Variants in ANKRD11 observed in about 807,000 individuals in gnomAD.
The protein encoded by ANKRD11 is ankyrin repeat domain-containing protein 11.
A neutral mutation model predicts 195.7 loss-of-function variants in ANKRD11; 17 were observed. The observed-to-expected ratio is 0.09, with a 90% CI of 0.06 to 0.13. The LOEUF is 0.13. Among genes scored for constraint, ANKRD11 ranks in the 10% least tolerant of loss-of-function variants. ANKRD11 has a pLI of 1.00. For synonymous variants in ANKRD11, 1,953 were observed against 1,528.1 expected (o/e 1.28, Z -6.49); for missense variants, 3,735 against 3,566.1 (o/e 1.05, Z -1.21).
intron 1 of ANKRD11, chr16:89,443,357 A>AAC (rs10601453): frequency 0.67 from 102,345 of 151,750 alleles, 35,068 homozygotes; most frequent in Middle Eastern, 0.87. Context: ...AAATTCGAAC[A>AAC]ACAGAGACGA....
intron 4 of ANKRD11, among the ~76,000 whole-genome samples, chr16:89,297,125 G>A (rs2035489161): frequency 6.6e-6 from 1 of 152,220 alleles, no homozygotes; most frequent in African/African-American, 2.4e-5. Flanking sequence ...GTGGAGGTGT[G>A]TGGCCTCAGC....
At chr16:89,407,660 A>AAC (rs2041960050) in intron 2 of ANKRD11, among the ~76,000 whole-genome samples, 3 of 151,126 alleles carry the variant, frequency 2.0e-5, no homozygotes, top group Non-Finnish European at 4.4e-5. Context: ...GTCTCTATCA[A>AAC]ACACACATAC....
chr16:89,395,981 G>GA (rs754564500), intron 2 of ANKRD11: 6 of 152,176 alleles, frequency 3.9e-5, no homozygotes, highest in Admixed American at 2.0e-4. Context: ...CTCTGGACAG[G>GA]AAGCACCAAT....
At chr16:89,381,630 C>T (rs1413409336) in intron 2 of ANKRD11, among the ~76,000 whole-genome samples, 2 of 152,158 alleles carry the variant, frequency 1.3e-5, no homozygotes, top group Non-Finnish European at 2.9e-5. Flanking sequence ...CTGTCAACAT[C>T]CCCCAACATG....
chr16:89,431,230 A>T (rs1023971310), intron 1 of ANKRD11: 4 of 152,426 alleles, frequency 2.6e-5, no homozygotes, highest in African/African-American at 9.7e-5. Context: ...GGTGCGTGCG[A>T]CTGGATGGAC....
intron 2 of ANKRD11, among the ~76,000 whole-genome samples, chr16:89,379,924 T>TTTTCCA (rs2040574104): frequency 1.3e-5 from 2 of 152,126 alleles, no homozygotes; most frequent in Admixed American, 1.3e-4. Flanking sequence ...ACCTTTTCAG[T>TTTTCCA]TTTCCAATCA....
intron 4 of ANKRD11, chr16:89,299,365 T>A: frequency 4.7e-6 from 1 of 213,906 alleles, no homozygotes. Context: ...GTGCCCTGTG[T>A]GGGGTGCCTG....
Position 89,316,915 on chromosome 16 carries a change from G to A in ANKRD11, c.87+18C>T, listed in dbSNP as rs774013525. The A allele has an allele frequency of 4.3e-6, 7 of 1,611,276 alleles. No homozygotes were observed. In the East Asian group the frequency reaches 1.6e-4, roughly 36 times the overall value. Reference sequence around the variant, plus strand: ...CTGGGTGCGGTGAGCATGCAGGGCTGGGAGGGGGCAGCATTACCTTTTTCC... The same window carrying A: ...CTGGGTGCGGTGAGCATGCAGGGCTAGGAGGGGGCAGCATTACCTTTTTCC... On this transcript the variant is annotated intron_variant, in intron 3 of 12. Coordinates refer to ENST00000301030, the MANE Select transcript of ANKRD11 (RefSeq NM_013275.6).
chr16:89,313,497 G>A, intron 3 of ANKRD11: 1 of 1,289,200 alleles, frequency 7.8e-7, no homozygotes, highest in Non-Finnish European at 1.0e-6. Context: ...AAGCCGTCAG[G>A]TCAGCGCGGC....
In ANKRD11 at chr16:89,486,768, G is replaced by A. The variant is rs149743310; in HGVS notation, c.-145+3477C>T. 1.6e-3 allele frequency among the ~76,000 whole-genome samples: 246 copies of A among 152,218 alleles called. 1 individual carries two copies. Among genetic ancestry groups the A allele is most frequent in the Non-Finnish European group, 2.3e-3 (154 of 68,008 alleles). ...CGTCTATAATCCCAGCACTTTGGGA[G>A]GCCGAGGCAGGTGGATCACTTGAGG... On this transcript the variant is annotated intron_variant, in intron 1 of 12. Coordinates refer to ENST00000301030, the MANE Select transcript of ANKRD11 (RefSeq NM_013275.6).
chr16:89,407,006 G>C (rs567096088), intron 2 of ANKRD11, among the ~76,000 whole-genome samples: 16 of 152,026 alleles, frequency 1.1e-4, no homozygotes, highest in Non-Finnish European at 2.4e-4. Context: ...ACAATATGGT[G>C]AAACCCTGTC....
intron 1 of ANKRD11, among the ~76,000 whole-genome samples, chr16:89,440,299 G>C (rs1471391653): frequency 2.0e-5 from 3 of 152,166 alleles, no homozygotes; most frequent in African/African-American, 7.2e-5. Flanking sequence ...GTGGAACTAG[G>C]AAAAGCAGAC....
At chr16:89,402,084 T>A (rs1439257562) in intron 2 of ANKRD11, among the ~76,000 whole-genome samples, 3 of 152,020 alleles carry the variant, frequency 2.0e-5, no homozygotes, top group Non-Finnish European at 4.4e-5. Flanking sequence ...CCACACCAAG[T>A]TTCACTCTCT....
rs142469039 is a variant in ANKRD11, at chr16:89,281,061, G to C, written c.5481C>G (p.Pro1827=). 166 of 1,606,778 alleles carry C rather than the reference G, an allele frequency of 1.0e-4. No homozygotes were observed. In the African/African-American group the frequency reaches 1.9e-3, roughly 19 times the overall value. The part of the protein sequence containing the change: ...AASSYDSPMP[P]SMEDRAPLPP... ...GCAGGGGCGCCCTGTCTTCCATCGA[G>C]GGTGGCATGGGAGAGTCGTAGCTGG... Residue 1827 remains proline (P), a synonymous_variant, in exon 9 of 13, where the codon CCC becomes CCG. Coordinates refer to ENST00000301030, the MANE Select transcript of ANKRD11 (RefSeq NM_013275.6). The surrounding 1 kb of genome is among the most constrained non-coding windows in gnomAD (Gnocchi z 5.5).
At chr16:89,354,339 T>C (rs2039370641) in intron 2 of ANKRD11, among the ~76,000 whole-genome samples, 1 of 152,178 alleles carries the variant, frequency 6.6e-6, no homozygotes, top group Non-Finnish European at 1.5e-5. Flanking sequence ...CAATCTTTTT[T>C]GAAGTCTCAA....
Position 89,453,135 on chromosome 16 carries a change from T to C in ANKRD11, c.-144-34767A>G, listed in dbSNP as rs148790428. 1.3e-4 allele frequency among the ~76,000 whole-genome samples: 20 copies of C among 152,324 alleles called. 1 individual carries two copies. The East Asian group carries it at 3.7e-3, about 28-fold the overall frequency. On this transcript the variant is annotated intron_variant, in intron 1 of 12. Transcript: ENST00000301030. ...CTTTTTTGTTGTTGTTGTTGCCGTT[T>C]TCATAATAGTATTTAACAAGATAAA...
Position 89,274,949 on chromosome 16 carries a change from C to T in ANKRD11, c.7578G>A (p.Leu2526=), listed in dbSNP as rs143679902. ...RLQHSIEREK[L]IVSCEQEILR... ...GAATCTCCTGCTCACAGGATACGATCAGCTTCTCCTGAAGGAGGAGAGGAG... is the reference window on the plus strand; with the variant it reads ...GAATCTCCTGCTCACAGGATACGATTAGCTTCTCCTGAAGGAGGAGAGGAG... The change falls in exon 11 of 13, where the codon CTG becomes CTA. Residue 2526 remains leucine, a synonymous_variant. Transcript: ENST00000301030. 1.9e-4 allele frequency: 301 copies of T among 1,613,312 alleles called. No individual in the cohort carries two copies. The highest frequency in any genetic ancestry group is 2.5e-4 in the Non-Finnish European group (291 of 1,180,030).
intron 2 of ANKRD11, among the ~76,000 whole-genome samples, chr16:89,414,866 A>G (rs2965935): frequency 0.49 from 74,532 of 152,180 alleles, 19,226 homozygotes; most frequent in Middle Eastern, 0.71. Flanking sequence ...AACGGCTCAC[A>G]TTCCACCCCA....
chr16:89,448,115 G>A (rs1466273929), intron 1 of ANKRD11, among the ~76,000 whole-genome samples: 1 of 146,544 alleles, frequency 6.8e-6, no homozygotes, highest in African/African-American at 2.4e-5. Flanking sequence ...TTCTCTCACT[G>A]AAGCAGGGAT....
Sources: gnomAD v4.1 joint callset for allele counts (sites outside exome capture counted in the v4.1 genomes callset) on GRCh38, gnomAD v4.1.1 for gene constraint, Gnocchi (gnomAD v3.1) non-coding constraint, MANE v1.5 for transcripts, NCBI Gene and HGNC (gene_info 2026-07-23, HGNC 2026-07-21) for gene names.